WDPCP: variants seen among roughly 807,000 people sequenced by gnomAD.
WDPCP encodes WD repeat containing planar cell polarity effector, also known as WD repeat-containing and planar cell polarity effector protein fritz homolog.
In WDPCP, 71 loss-of-function variants were observed where a neutral mutation model predicts 93.1. The ratio of observed to expected loss-of-function variants is 0.76; its 90% CI spans 0.63 to 0.93. WDPCP has a LOEUF of 0.93. WDPCP is among the 40% of genes least tolerant of loss of function. WDPCP has a pLI of 0.00. For missense variants in WDPCP, 844 were observed against 887.4 expected, an observed-to-expected ratio of 0.95 and a Z score of 0.62; for synonymous variants, 315 against 315.0, an observed-to-expected ratio of 1.00 and a Z score of 0.00.
intron 1 of WDPCP, among the ~76,000 whole-genome samples, chr2:63,574,533 T>C (rs1393434174): frequency 6.6e-6 from 1 of 152,234 alleles, no homozygotes; most frequent in East Asian, 1.9e-4. Context: ...TATTCATTTA[T>C]AGATTCATGC....
At chr2:63,228,847 G>C (rs1678559608) in intron 14 of WDPCP, 1 of 152,112 alleles carries the variant, frequency 6.6e-6, no homozygotes. Flanking sequence ...GGACACTTAG[G>C]TTGGTTCCAA....
intron 1 of WDPCP, among the ~76,000 whole-genome samples, chr2:63,580,665 G>A (rs1156813794): frequency 6.6e-6 from 1 of 152,110 alleles, no homozygotes; most frequent in East Asian, 1.9e-4. Context: ...CAGATTACAG[G>A]AGATTAAAGA....
chr2:63,685,983 G>A (rs1485301747), intron 2 of WDPCP, among the ~76,000 whole-genome samples: 1 of 152,132 alleles, frequency 6.6e-6, no homozygotes, highest in Non-Finnish European at 1.5e-5. Flanking sequence ...ATATGTGACA[G>A]AACCATAGCT....
At chr2:63,168,056 G>A (rs1673115661) in intron 15 of WDPCP, among the ~76,000 whole-genome samples, 1 of 143,252 alleles carries the variant, frequency 7.0e-6, no homozygotes, top group Non-Finnish European at 1.5e-5. Flanking sequence ...AGACTGTGGT[G>A]AGCCATGATC....
intron 2 of WDPCP, among the ~76,000 whole-genome samples, chr2:63,680,364 G>C (rs1173161474): frequency 6.6e-6 from 1 of 152,226 alleles, no homozygotes. Flanking sequence ...TGCACAGCAT[G>C]GAGAATCTGT....
chr2:63,745,400 A>G (rs1484899507), intron 2 of WDPCP, among the ~76,000 whole-genome samples: 1 of 152,208 alleles, frequency 6.6e-6, no homozygotes, highest in African/African-American at 2.4e-5. Flanking sequence ...GCTGCCAACA[A>G]CTATGAGTAC....
rs535387192 is a variant in WDPCP at position 63,662,325 on chromosome 2, T to C, written n.309-11487A>G. 3.9e-5 allele frequency among the ~76,000 whole-genome samples: 6 copies of C among 152,302 alleles called. No homozygotes were observed. The East Asian group carries it at 9.6e-4, about 24-fold the overall frequency. On this transcript the variant is annotated intron_variant and non_coding_transcript_variant, in intron 2 of 4. Transcript: ENST00000467687. ...TAGTTTATACCACTTGCAGGGTTTT[T>C]TGAGGATTAAATTAGATAGTGCTAC...
chr2:63,352,001 T>C (rs1037148719), intron 12 of WDPCP, among the ~76,000 whole-genome samples: 1 of 152,250 alleles, frequency 6.6e-6, no homozygotes, highest in Non-Finnish European at 1.5e-5. Flanking sequence ...ATAGTTCTGA[T>C]TTGCATTTCT....
intron 12 of WDPCP, among the ~76,000 whole-genome samples, chr2:63,334,499 A>G (rs1231293741): frequency 6.6e-6 from 1 of 152,192 alleles, no homozygotes; most frequent in East Asian, 1.9e-4. Context: ...CATTCAGGTC[A>G]TAAGTAGACA....
chr2:63,499,307 T>C (rs1345876515), intron 1 of WDPCP, among the ~76,000 whole-genome samples: 1 of 152,142 alleles, frequency 6.6e-6, no homozygotes, highest in Non-Finnish European at 1.5e-5. Context: ...ATTTGAGGAA[T>C]AATAAGCAAT....
chr2:63,328,355 T>C (rs1687725685), intron 12 of WDPCP, among the ~76,000 whole-genome samples: 1 of 152,156 alleles, frequency 6.6e-6, no homozygotes, highest in African/African-American at 2.4e-5. Flanking sequence ...CAATAAATCT[T>C]GCAGCTGCTC....
intron 3 of WDPCP, among the ~76,000 whole-genome samples, chr2:63,645,769 T>C (rs1710040570): frequency 6.6e-6 from 1 of 152,232 alleles, no homozygotes; most frequent in African/African-American, 2.4e-5. Flanking sequence ...CCTTTGTCTC[T>C]TCTTACAGTT....
upstream of WDPCP, chr2:63,588,507 G>GT (rs1264192419): frequency 8.1e-6 from 5 of 616,258 alleles, no homozygotes; most frequent in East Asian, 5.5e-5. Context: ...AGTGTCAATC[G>GT]TTTTTTAAAA....
intron 2 of WDPCP, among the ~76,000 whole-genome samples, chr2:63,770,877 A>G (rs1045367529): frequency 6.6e-6 from 1 of 151,930 alleles, no homozygotes; most frequent in African/African-American, 2.4e-5. Context: ...ATGTAAAACG[A>G]TGTCACTCTT....
At chr2:63,561,488 A>T (rs536874077) in intron 1 of WDPCP, among the ~76,000 whole-genome samples, 27 of 94,056 alleles carry the variant, frequency 2.9e-4, no homozygotes, top group Middle Eastern at 6.8e-3. Context: ...AATAATAATT[A>T]AAAAAAAAAA....
rs984266990 is a variant in WDPCP, at chr2:63,163,346, G to T, written c.2079-9772C>A. ...GATTGTTTATCTTCTTTGGAAAGAT[G>T]TTTAAAATTAGACACATTTAATCAT... On this transcript the variant is annotated intron_variant, in intron 15 of 17. Coordinates refer to ENST00000272321, the MANE Select transcript of WDPCP (RefSeq NM_015910.7). Among the ~76,000 whole-genome samples the T allele has an allele frequency of 2.0e-5, 3 of 152,120 alleles. No homozygotes were observed. In the East Asian group the frequency reaches 5.8e-4, roughly 29 times the overall value.
At chr2:63,152,968 T>C in intron 16 of WDPCP, 23 bp from the exon 17 acceptor site, 1 of 1,608,964 alleles carries the variant, frequency 6.2e-7, no homozygotes. Context: ...ATTAAAACAT[T>C]AATTATCTTA....
intron 3 of WDPCP, chr2:63,622,225 C>A (rs1709749422): frequency 6.2e-7 from 1 of 1,607,052 alleles, no homozygotes; most frequent in East Asian, 2.2e-5. Context: ...GCCTTGCTGG[C>A]GAGGTCCTTG....
chr2:63,390,101 C>T (rs574821530), intron 10 of WDPCP, among the ~76,000 whole-genome samples: 1 of 152,332 alleles, frequency 6.6e-6, no homozygotes, highest in East Asian at 1.9e-4. Context: ...ACATTCTTCA[C>T]AGCACCACAT....
Sources: allele counts gnomAD v4.1 joint callset (sites outside exome capture counted in the v4.1 genomes callset), GRCh38; gene constraint gnomAD v4.1.1; transcripts MANE v1.5; gene names NCBI Gene and HGNC (gene_info 2026-07-23, HGNC 2026-07-21).